Variants in PCDH15 observed in about 807,000 individuals in gnomAD.
PCDH15 encodes the protein protocadherin related 15, also known as protocadherin-15.
A neutral mutation model predicts 178.5 loss-of-function variants in PCDH15; 129 were observed. The ratio of observed to expected loss-of-function variants is 0.72; its 90% CI spans 0.63 to 0.84. The LOEUF (loss-of-function observed/expected upper bound fraction) is 0.84, where lower values mean the gene tolerates loss of function less well. Ranked by LOEUF, PCDH15 falls within the 40% of genes least tolerant of loss-of-function variation. The pLI is 0.00. For synonymous variants in PCDH15, 800 were observed against 732.0 expected, an observed-to-expected ratio of 1.09 and a Z score of -1.50; for missense variants, 2,230 against 2,099.9, an observed-to-expected ratio of 1.06 and a Z score of -1.21.
At chr10:54,001,983 G>T (rs917511016) in intron 20 of PCDH15, among the ~76,000 whole-genome samples, 3 of 150,084 alleles carry the variant, frequency 2.0e-5, no homozygotes, top group African/African-American at 7.4e-5. Flanking sequence ...GACAAAGAAG[G>T]TCACTATATA....
At chr10:55,241,412 T>G (rs927984360) in intron 1 of PCDH15, among the ~76,000 whole-genome samples, 1 of 152,116 alleles carries the variant, frequency 6.6e-6, no homozygotes, top group Non-Finnish European at 1.5e-5. Flanking sequence ...CATTTTGAAT[T>G]TATTTATTCT....
intron 1 of PCDH15, among the ~76,000 whole-genome samples, chr10:55,200,050 C>A (rs562636092): frequency 1.3e-5 from 2 of 152,156 alleles, no homozygotes; most frequent in Non-Finnish European, 2.9e-5. Flanking sequence ...ACATTGTCCC[C>A]ACTGGGGAAC....
At chr10:54,720,539 A>C (rs568441116) in intron 1 of PCDH15, among the ~76,000 whole-genome samples, 12 of 150,030 alleles carry the variant, frequency 8.0e-5, no homozygotes, top group Non-Finnish European at 1.8e-4. Flanking sequence ...ACCAGCTAAC[A>C]ATTTTATATC....
chr10:55,080,306 T>C (rs914003482), intron 2 of PCDH15, among the ~76,000 whole-genome samples: 3 of 152,268 alleles, frequency 2.0e-5, no homozygotes, highest in South Asian at 2.1e-4. Context: ...TAGATTCTCA[T>C]AGGAGTGCAA....
chr10:54,315,991 G>C (rs1030010880), intron 8 of PCDH15, among the ~76,000 whole-genome samples: 7 of 142,602 alleles, frequency 4.9e-5, no homozygotes, highest in Non-Finnish European at 1.1e-4. Flanking sequence ...TTTTTTTTTG[G>C]CTGGGATTCA....
At chr10:53,976,842 G>C (rs1038972515) in intron 21 of PCDH15, among the ~76,000 whole-genome samples, 2 of 151,648 alleles carry the variant, frequency 1.3e-5, no homozygotes, top group Admixed American at 1.3e-4. Context: ...TAAAACTTGA[G>C]AGAGCTACAT....
chr10:55,415,708 T>C lies in PCDH15; in HGVS notation c.-156+211917A>G, dbSNP rs576259426. ...GAGCTGGAAGTTGGCCATGATTATC[T>C]TGTTTTCATATGTACTCTCAAAAGT... On this transcript the variant is annotated intron_variant, in intron 2 of 5. Coordinates refer to the PCDH15 transcript ENST00000613346. Among the ~76,000 whole-genome samples the C allele has an allele frequency of 7.8e-4, 119 of 151,812 alleles. 1 individual carries two copies. In the South Asian group the frequency reaches 0.024, roughly 31 times the overall value.
chr10:54,772,821 T>G (rs982864245), intron 1 of PCDH15, among the ~76,000 whole-genome samples: 1 of 152,180 alleles, frequency 6.6e-6, no homozygotes, highest in African/African-American at 2.4e-5. Context: ...CATGCATATG[T>G]TAATTGCAGC....
intron 1 of PCDH15, among the ~76,000 whole-genome samples, chr10:55,221,025 C>G (rs61851068): frequency 0.13 from 20,080 of 152,052 alleles, 1,654 homozygotes; most frequent in Non-Finnish European, 0.18. Context: ...AAAGGCTCAT[C>G]ATCAGGATAT....
At position 55,415,187 on chromosome 10, in the gene PCDH15, C is replaced by T. The variant is rs149852395; in HGVS notation, c.-156+212438G>A. The stretch of plus-strand genomic sequence containing the variant: ...GAAATGATTATGTAGTTTTTTCATT[C>T]TGTTAATGTGGTGTATTACATTAAT... On this transcript the variant is annotated intron_variant, in intron 2 of 5. Coordinates refer to the PCDH15 transcript ENST00000613346. Among the ~76,000 whole-genome samples, 1,293 of 151,564 alleles carry T rather than the reference C, an allele frequency of 8.5e-3. 26 individuals carry two copies. The highest frequency in any genetic ancestry group is 0.03 in the African/African-American group (1,232 of 41,440).
At chr10:55,525,097 C>T (rs531888328) in intron 2 of PCDH15, among the ~76,000 whole-genome samples, 4 of 151,804 alleles carry the variant, frequency 2.6e-5, no homozygotes, top group African/African-American at 9.6e-5. Flanking sequence ...ATCATTCACC[C>T]AGAAAAGAAT....
chr10:54,049,778 G>T (rs116950270), intron 18 of PCDH15, among the ~76,000 whole-genome samples: 4,227 of 152,030 alleles, frequency 0.028, 95 homozygotes, highest in East Asian at 0.1. Context: ...CCGCCACCAA[G>T]CCTGGCTAAT....
At chr10:54,292,666 A>G (rs1591627396) in intron 8 of PCDH15, among the ~76,000 whole-genome samples, 1 of 152,196 alleles carries the variant, frequency 6.6e-6, no homozygotes, top group East Asian at 1.9e-4. Context: ...AAGCATTCCT[A>G]TATGTCAATA....
At chr10:55,425,666 A>G (rs1159288994) in intron 2 of PCDH15, among the ~76,000 whole-genome samples, 2 of 152,032 alleles carry the variant, frequency 1.3e-5, no homozygotes, top group African/African-American at 2.4e-5. Flanking sequence ...TCACACACAC[A>G]CACACAAAAA....
chr10:54,384,945 A>C (rs35936609), intron 3 of PCDH15, among the ~76,000 whole-genome samples: 8,141 of 152,194 alleles, frequency 0.053, 257 homozygotes, highest in Admixed American at 0.099. Flanking sequence ...TATATAAGAC[A>C]ATATGTTTAA....
rs1036612600 is a variant in PCDH15 at position 54,185,284 on chromosome 10, A to G, written c.1306-16T>C. 12 of 1,613,092 alleles carry G rather than the reference A, an allele frequency of 7.4e-6. No homozygotes were observed. The highest frequency in any genetic ancestry group is 1.1e-5 in the South Asian group (1 of 91,082). ...GGTCTTTTGTCTTTGAAAAAAAATG[A>G]CATCGTTTCAAACGTTGAATAAATA... On this transcript the variant is annotated splice_polypyrimidine_tract_variant and intron_variant, in intron 11 of 37. Transcript: ENST00000644397.
chr10:54,260,543 T>C (rs558401172), intron 8 of PCDH15, among the ~76,000 whole-genome samples: 1 of 152,274 alleles, frequency 6.6e-6, no homozygotes, highest in East Asian at 1.9e-4. Flanking sequence ...CATAATGGTT[T>C]CAGTGGAAGC....
Position 53,871,722 on chromosome 10 carries a change from C to CTTGTTTTGTTTTGTT in PCDH15, c.3502-4880_3502-4866dup, listed in dbSNP as rs201361066. Among the ~76,000 whole-genome samples the CTTGTTTTGTTTTGTT allele has an allele frequency of 2.5e-3, 373 of 149,580 alleles. 2 individuals carry two copies. Among genetic ancestry groups the CTTGTTTTGTTTTGTT allele is most frequent in the African/African-American group, 9.0e-3 (360 of 40,014 alleles). On this transcript the variant is annotated intron_variant, in intron 26 of 37. Coordinates refer to ENST00000644397, the MANE Select transcript of PCDH15 (RefSeq NM_001384140.1). ...CAGCTCTCCTTTATTGCTTCCAGTTCTTGTTTTGTTTTGTTTTGTTTTGTT... is the reference window on the plus strand; with the variant it reads ...CAGCTCTCCTTTATTGCTTCCAGTTCTTGTTTTGTTTTGTTTTGTTTTGTTTTGTTTTGTTTTGTT...
intron 20 of PCDH15, among the ~76,000 whole-genome samples, chr10:53,997,143 GAAAAATA>G (rs925414528): frequency 6.6e-6 from 1 of 151,908 alleles, no homozygotes. Flanking sequence ...ACACAAAACT[GAAAAATA>G]AAAAATATCA....
Sources: allele counts gnomAD v4.1 joint callset (sites outside exome capture counted in the v4.1 genomes callset), GRCh38; gene constraint gnomAD v4.1.1; transcripts MANE v1.5; gene names NCBI Gene and HGNC (gene_info 2026-07-23, HGNC 2026-07-21).